Variants in DLG1 observed in about 807,000 individuals in gnomAD.
DLG1 encodes disks large homolog 1.
DLG1 carries 42 observed loss-of-function variants against 123.4 expected under a neutral mutation model. The ratio of observed to expected loss-of-function variants is 0.34; its 90% CI spans 0.27 to 0.44. The LOEUF (loss-of-function observed/expected upper bound fraction) is 0.44, where lower values mean the gene tolerates loss of function less well. DLG1 is among the 20% of genes least tolerant of loss of function. The pLI, the probability that DLG1 is intolerant of heterozygous loss-of-function variation, is 1.00. For synonymous variants in DLG1, 317 were observed against 356.2 expected (o/e 0.89, Z 1.24); for missense variants, 942 against 1,082.6 (o/e 0.87, Z 1.82).
intron 10 of DLG1, among the ~76,000 whole-genome samples, chr3:197,135,391 A>G (rs187201680): frequency 6.6e-6 from 1 of 152,266 alleles, no homozygotes; most frequent in Non-Finnish European, 1.5e-5. Flanking sequence ...TGATTGTTTT[A>G]TAAGCATCTG....
At chr3:197,105,420 T>G (rs555383069) in intron 13 of DLG1, among the ~76,000 whole-genome samples, 1 of 152,330 alleles carries the variant, frequency 6.6e-6, no homozygotes, top group East Asian at 1.9e-4. Context: ...TCACGCCTAC[T>G]GCTCAATTCA....
At chr3:197,190,989 G>T (rs371843578) in intron 5 of DLG1, among the ~76,000 whole-genome samples, 6 of 152,112 alleles carry the variant, frequency 3.9e-5, no homozygotes, top group African/African-American at 1.2e-4. Flanking sequence ...CAGCCTGGGC[G>T]ACAGAGCGAG....
At chr3:197,179,840 T>C (rs1809172236) in intron 5 of DLG1, among the ~76,000 whole-genome samples, 1 of 152,186 alleles carries the variant, frequency 6.6e-6, no homozygotes, top group Non-Finnish European at 1.5e-5. Flanking sequence ...AGTGTACAAA[T>C]TAGCCTAAAT....
intron 4 of DLG1, among the ~76,000 whole-genome samples, chr3:197,278,507 A>G (rs1377529104): frequency 6.6e-6 from 1 of 151,832 alleles, no homozygotes; most frequent in African/African-American, 2.4e-5. Flanking sequence ...AAAGAAAAAA[A>G]TCCCTATCAC....
At chr3:197,191,006 A>T (rs1329490152) in intron 5 of DLG1, among the ~76,000 whole-genome samples, 1 of 151,968 alleles carries the variant, frequency 6.6e-6, no homozygotes, top group Non-Finnish European at 1.5e-5. Context: ...CGAGACTTCA[A>T]CTCAAACAAA....
At chr3:197,155,256 T>G (rs116716531) in intron 5 of DLG1, among the ~76,000 whole-genome samples, 7 of 152,184 alleles carry the variant, frequency 4.6e-5, no homozygotes, top group East Asian at 1.9e-4. Context: ...GGAGGTCATA[T>G]GGCAGTGGGT....
At chr3:197,208,114 A>G (rs76781338) in intron 4 of DLG1, among the ~76,000 whole-genome samples, 4 of 41,344 alleles carry the variant, frequency 9.7e-5, no homozygotes, top group African/African-American at 3.1e-4. Flanking sequence ...CAATTTAGAG[A>G]AAAAAAAAAA....
intron 15 of DLG1, 74 bp from the exon 16 acceptor site, chr3:197,085,830 A>G (rs1298542776): frequency 1.1e-5 from 16 of 1,415,006 alleles, no homozygotes; most frequent in Non-Finnish European, 1.5e-5. Flanking sequence ...TTCTGAAAGT[A>G]TATGTAATTT....
chr3:197,258,339 G>A (rs1387303459), intron 4 of DLG1, among the ~76,000 whole-genome samples: 1 of 143,030 alleles, frequency 7.0e-6, no homozygotes, highest in African/African-American at 2.6e-5. Context: ...TTCAGTAGCA[G>A]TGATGGTTTA....
chr3:197,240,315 G>A (rs1215163574), intron 4 of DLG1, among the ~76,000 whole-genome samples: 1 of 152,200 alleles, frequency 6.6e-6, no homozygotes, highest in Non-Finnish European at 1.5e-5. Flanking sequence ...CCTCATTCGG[G>A]AAGAACAGTG....
At chr3:197,176,969 T>A (rs892483646) in intron 5 of DLG1, among the ~76,000 whole-genome samples, 2 of 151,512 alleles carry the variant, frequency 1.3e-5, no homozygotes, top group Admixed American at 1.3e-4. Flanking sequence ...ATTTTTATTT[T>A]TTATATTATT....
chr3:197,130,150 T>G (rs575130924), intron 11 of DLG1, among the ~76,000 whole-genome samples: 2 of 152,222 alleles, frequency 1.3e-5, no homozygotes, highest in East Asian at 3.9e-4. Context: ...TAAAATGAGG[T>G]ATGCCTGTAC....
chr3:197,190,153 C>T (rs1718480018), intron 5 of DLG1, among the ~76,000 whole-genome samples: 3 of 152,136 alleles, frequency 2.0e-5, no homozygotes, highest in Admixed American at 2.0e-4. Flanking sequence ...CAGTGAAAAT[C>T]TTAAAGTATG....
chr3:197,111,194 C>T (rs1293315677), intron 13 of DLG1, among the ~76,000 whole-genome samples: 1 of 152,186 alleles, frequency 6.6e-6, no homozygotes, highest in Non-Finnish European at 1.5e-5. Flanking sequence ...GGGTGAGCTA[C>T]TTCCCTGGAC....
chr3:197,176,733 T>A (rs1168841496), intron 5 of DLG1, among the ~76,000 whole-genome samples: 2 of 152,120 alleles, frequency 1.3e-5, no homozygotes, highest in East Asian at 3.8e-4. Flanking sequence ...CTTCTAGGTT[T>A]TGGCAATTAT....
At chr3:197,045,078 A>C (rs1721977324) in intron 24 of DLG1, among the ~76,000 whole-genome samples, 1 of 152,132 alleles carries the variant, frequency 6.6e-6, no homozygotes, top group Admixed American at 6.6e-5. Flanking sequence ...AACTGGGTAC[A>C]ATCCCATAGA....
At chr3:197,285,335 A>G (rs753102269) in intron 3 of DLG1, among the ~76,000 whole-genome samples, 1 of 152,110 alleles carries the variant, frequency 6.6e-6, no homozygotes, top group Non-Finnish European at 1.5e-5. Context: ...CTAAAGAAAT[A>G]AGGCAATACT....
intron 24 of DLG1, among the ~76,000 whole-genome samples, chr3:197,045,402 G>A (rs112469690): frequency 3.2e-4 from 48 of 152,186 alleles, no homozygotes; most frequent in African/African-American, 1.1e-3. Flanking sequence ...ACAAAGTATC[G>A]CTAGACAGCA....
chr3:197,109,123 A>G (rs1768299753), intron 13 of DLG1, among the ~76,000 whole-genome samples: 1 of 152,228 alleles, frequency 6.6e-6, no homozygotes, highest in African/African-American at 2.4e-5. Context: ...TGGCTCAGGC[A>G]AAAGGACTGA....
Sources: gnomAD v4.1 joint callset for allele counts (sites outside exome capture counted in the v4.1 genomes callset) on GRCh38, gnomAD v4.1.1 for gene constraint, MANE v1.5 for transcripts, NCBI Gene and HGNC (gene_info 2026-07-23, HGNC 2026-07-21) for gene names.